Variants in WLS observed in about 807,000 individuals in gnomAD.
WLS encodes protein wntless homolog.
Under a neutral mutation model 62.8 loss-of-function variants are expected in WLS, and 23 were observed. The ratio of observed to expected loss-of-function variants is 0.37; its 90% confidence interval spans 0.26 to 0.52. The LOEUF is 0.52. WLS is among the 20% of genes least tolerant of loss of function. The probability of loss-of-function intolerance (pLI) is 0.92; values close to 1 mark genes in which losing one functional copy is unlikely to be tolerated. For synonymous variants in WLS, 246 were observed against 244.1 expected (o/e 1.01, Z -0.07); for missense variants, 615 against 697.3 (o/e 0.88, Z 1.33).
At chr1:68,152,102 T>G (rs746190242) in intron 5 of WLS, among the ~76,000 whole-genome samples, 32 of 152,176 alleles carry the variant, frequency 2.1e-4, no homozygotes, top group Non-Finnish European at 4.1e-4. Context: ...TCTGAACAAC[T>G]GAAAGGATGG....
At chr1:68,193,396 GCT>G (rs1491139153) in intron 2 of WLS, among the ~76,000 whole-genome samples, 1 of 15,788 alleles carries the variant, frequency 6.3e-5, no homozygotes, top group African/African-American at 2.0e-4. Context: ...CTGCAAATAA[GCT>G]AAAAAAAAAA....
intron 2 of WLS, among the ~76,000 whole-genome samples, chr1:68,161,280 T>C (rs201325595): frequency 1.3e-5 from 2 of 152,132 alleles, no homozygotes; most frequent in Non-Finnish European, 1.5e-5. Context: ...CAAACAGTTT[T>C]CTCCCCATTT....
chr1:68,219,557 G>GT (rs1245315180), intron 1 of WLS, among the ~76,000 whole-genome samples: 1 of 152,136 alleles, frequency 6.6e-6, no homozygotes, highest in African/African-American at 2.4e-5. Context: ...AAGCCTTAAA[G>GT]TAGAAGCATT....
intron 1 of WLS, among the ~76,000 whole-genome samples, chr1:68,224,805 T>A (rs1650077777): frequency 6.6e-6 from 1 of 152,012 alleles, no homozygotes; most frequent in Non-Finnish European, 1.5e-5. Context: ...CATCTTCTGC[T>A]CTATCTGTGT....
At chr1:68,197,855 C>T (rs1570997606) in intron 1 of WLS, among the ~76,000 whole-genome samples, 1 of 152,158 alleles carries the variant, frequency 6.6e-6, no homozygotes, top group East Asian at 1.9e-4. Flanking sequence ...GAGAAAAGAG[C>T]TAAATGGAGG....
intron 2 of WLS, among the ~76,000 whole-genome samples, chr1:68,192,596 T>G (rs986848552): frequency 6.8e-6 from 1 of 147,764 alleles, no homozygotes; most frequent in Non-Finnish European, 1.5e-5. Flanking sequence ...AAAAAAAGAA[T>G]AAAAAATTAC....
intron 2 of WLS, among the ~76,000 whole-genome samples, chr1:68,182,746 CT>C (rs35442379): frequency 6.6e-6 from 1 of 152,072 alleles, no homozygotes; most frequent in African/African-American, 2.4e-5. Context: ...TTCAACTTGC[CT>C]TTTTTGGTGG....
rs2100447699 is a variant in WLS at position 68,144,612 on chromosome 1, A to G, written c.1319T>C (p.Leu440Ser). The stretch of plus-strand genomic sequence containing the variant: ...GATGACAGTCATGGCAGCGCAGGCC[A>G]AGGTGATAAGCATGAGGAACTTGAA... ...FRFKFLMLIT[L>S]ACAAMTVIFF... The change falls in exon 10 of 12, where the codon TTG (leucine) becomes TCG (serine). Residue 440 changes from leucine to serine, a missense_variant. Leu to Ser is a moderately radical substitution (Grantham distance 145). Transcript: ENST00000262348. 6.2e-7 allele frequency: 1 copy of G among 1,613,806 alleles called. No individual in the cohort carries two copies. The highest frequency in any genetic ancestry group is 8.5e-7 in the Non-Finnish European group (1 of 1,179,750).
intron 1 of WLS, among the ~76,000 whole-genome samples, chr1:68,199,181 A>G (rs1291699856): frequency 6.6e-6 from 1 of 152,188 alleles, no homozygotes; most frequent in African/African-American, 2.4e-5. Context: ...TCTTTGCTTT[A>G]TTATGAGTAA....
intron 5 of WLS, among the ~76,000 whole-genome samples, chr1:68,151,254 C>T (rs1195285721): frequency 1.3e-5 from 2 of 152,134 alleles, no homozygotes; most frequent in East Asian, 1.9e-4. Context: ...CTGGAAGAAC[C>T]TGCTGCATTT....
rs568332148 is a variant in WLS at position 68,107,118 on chromosome 1, T to C, written c.1511-8365A>G. Among the ~76,000 whole-genome samples the C allele has an allele frequency of 1.5e-3, 230 of 152,318 alleles. 4 individuals are homozygous for C. The highest frequency in any genetic ancestry group is 1.9e-3 in the Non-Finnish European group (130 of 68,030). The stretch of plus-strand genomic sequence containing the variant: ...ATCGATTAATGTGTCTTTCCATTTA[T>C]TTATGAAAATAAGACAAAATTATGC... On this transcript the variant is annotated intron_variant, in intron 11 of 11. Transcript: ENST00000354777.
chr1:68,218,190 G>C (rs1463483364), intron 1 of WLS, among the ~76,000 whole-genome samples: 1 of 152,084 alleles, frequency 6.6e-6, no homozygotes, highest in Non-Finnish European at 1.5e-5. Flanking sequence ...GTCACATAAG[G>C]GGAAAGAATA....
At chr1:68,173,405 C>T (rs72938509) in intron 2 of WLS, among the ~76,000 whole-genome samples, 2,502 of 139,168 alleles carry the variant, frequency 0.018, 61 homozygotes, top group African/African-American at 0.06. Flanking sequence ...AATCTACCTG[C>T]GTGCCCCTCT....
chr1:68,203,683 T>C (rs181454082), intron 1 of WLS, among the ~76,000 whole-genome samples: 197 of 152,332 alleles, frequency 1.3e-3, no homozygotes, highest in Middle Eastern at 3.4e-3. Context: ...AAGATCTGAC[T>C]CAGGAACACA....
intron 11 of WLS, among the ~76,000 whole-genome samples, chr1:68,118,834 G>A (rs1646327661): frequency 8.5e-6 from 1 of 117,162 alleles, no homozygotes; most frequent in Admixed American, 1.2e-4. Context: ...CCGAGATCAC[G>A]CCACTGCATT....
intron 2 of WLS, chr1:68,162,271 C>T: frequency 3.8e-6 from 6 of 1,593,374 alleles, no homozygotes; most frequent in Admixed American, 3.3e-5. Flanking sequence ...GTCCACCAGG[C>T]CACCACGGGG....
intron 2 of WLS, 106 bp from the exon 3 acceptor site, chr1:68,159,353 A>C: frequency 2.9e-6 from 4 of 1,374,660 alleles, no homozygotes; most frequent in Non-Finnish European, 2.9e-6. Flanking sequence ...ACGAGACAAA[A>C]GGGAAATATT....
In WLS at chr1:68,114,580, G is replaced by A. The variant is rs556877509; in HGVS notation, c.1511-15827C>T. ...AATTGAGGCACAGAGCTGGCTCCTC[G>A]TTTTAATCCGTTTCATGCTAAATGT... On this transcript the variant is annotated intron_variant, in intron 11 of 11. Coordinates refer to the WLS transcript ENST00000354777. Among the ~76,000 whole-genome samples the A allele has an allele frequency of 4.6e-5, 7 of 152,274 alleles. No homozygotes were observed. The South Asian group carries it at 1.2e-3, about 27-fold the overall frequency.
intron 11 of WLS, among the ~76,000 whole-genome samples, chr1:68,110,007 T>TAAAAAAAAAAAAAAAAAA (rs11290966): frequency 1.8e-4 from 5 of 28,422 alleles, no homozygotes; most frequent in East Asian, 1.0e-3. Flanking sequence ...ACACAAAAAG[T>TAAAAAAAAAAAAAAAAAA]AAAAAAAAAA....
Sources: allele counts gnomAD v4.1 joint callset (sites outside exome capture counted in the v4.1 genomes callset), GRCh38; gene constraint gnomAD v4.1.1; transcripts MANE v1.5; gene names NCBI Gene and HGNC (gene_info 2026-07-23, HGNC 2026-07-21).